The following GNB1 variants were observed in gnomAD, a reference collection of about 807,000 sequenced individuals.
GNB1 encodes G protein subunit beta 1.
GNB1 carries 2 observed loss-of-function variants against 42.9 expected under a neutral mutation model. The observed-to-expected ratio is 0.05, with a 90% confidence interval of 0.02 to 0.15. GNB1 has a LOEUF of 0.15. GNB1 is among the 10% of genes least tolerant of loss of function. GNB1 has a pLI of 1.00. For missense variants in GNB1, 193 were observed against 462.2 expected, an observed-to-expected ratio of 0.42 and a Z score of 5.34; for synonymous variants, 183 against 174.7, an observed-to-expected ratio of 1.05 and a Z score of -0.38.
chr1:1,796,710 C>T (rs1251449334), intron 7 of GNB1, among the ~76,000 whole-genome samples: 1 of 152,112 alleles, frequency 6.6e-6, no homozygotes, highest in Non-Finnish European at 1.5e-5. Context: ...AAGTGTGCAC[C>T]CAGTGAGGAG....
At chr1:1,808,936 G>A (rs960131325) in intron 5 of GNB1, among the ~76,000 whole-genome samples, 4 of 152,074 alleles carry the variant, frequency 2.6e-5, no homozygotes, top group South Asian at 4.1e-4. Context: ...AAGCCACAGC[G>A]CCTCAAAACA....
chr1:1,788,155 G>GTA (rs1428105678), intron 10 of GNB1: 1 of 152,270 alleles, frequency 6.6e-6, no homozygotes, highest in Non-Finnish European at 1.5e-5. Context: ...ACAGAACACA[G>GTA]GAGTAGCGAT....
intron 1 of GNB1, among the ~76,000 whole-genome samples, chr1:1,870,610 G>A (rs770824966): frequency 1.4e-4 from 21 of 152,272 alleles, no homozygotes; most frequent in Middle Eastern, 3.4e-3. Context: ...GCATGTTAGC[G>A]TTGCTGGAAT....
chr1:1,789,019 C>T, intron 10 of GNB1, 34 bp downstream of exon 10: 1 of 1,448,354 alleles, frequency 6.9e-7, no homozygotes, highest in Non-Finnish European at 9.7e-7. Context: ...ACGTAAATGT[C>T]CACAAGACAC....
At chr1:1,804,749 C>T (rs1646673570) in intron 6 of GNB1, among the ~76,000 whole-genome samples, 168 bp from the exon 7 acceptor site, 1 of 152,202 alleles carries the variant, frequency 6.6e-6, no homozygotes, top group Non-Finnish European at 1.5e-5. Context: ...GTGAAGCATA[C>T]TTAATGAGAA....
chr1:1,855,833 AGAG>A (rs1346747527), intron 1 of GNB1, among the ~76,000 whole-genome samples: 1 of 152,248 alleles, frequency 6.6e-6, no homozygotes, highest in African/African-American at 2.4e-5. Context: ...GCTATTTCAA[AGAG>A]GAGGAGGCAA....
At chr1:1,866,751 G>A (rs753549208) in intron 1 of GNB1, among the ~76,000 whole-genome samples, 2 of 150,640 alleles carry the variant, frequency 1.3e-5, no homozygotes, top group Admixed American at 6.6e-5. Context: ...TCAGGAGATC[G>A]AGACCATCTT....
intron 3 of GNB1, 174 bp downstream of exon 3, chr1:1,825,223 A>G: frequency 1.7e-6 from 1 of 595,370 alleles, no homozygotes. Context: ...AATCCCAAAA[A>G]CAATGTACTA....
chr1:1,883,637 C>T (rs1649980373), intron 1 of GNB1, among the ~76,000 whole-genome samples: 1 of 152,202 alleles, frequency 6.6e-6, no homozygotes, highest in Non-Finnish European at 1.5e-5. Flanking sequence ...GCCTGTTTCA[C>T]AGATAAGGAC....
chr1:1,852,461 A>T (rs925282552), intron 1 of GNB1, among the ~76,000 whole-genome samples: 10 of 151,714 alleles, frequency 6.6e-5, no homozygotes, highest in Non-Finnish European at 1.5e-5. Context: ...CGATCTCCTG[A>T]CCTCGCGACC....
At position 1,840,971 on chromosome 1, in the gene GNB1, A is replaced by G. The variant is rs114416938; in HGVS notation, c.-95-1733T>C. Among the ~76,000 whole-genome samples, 1,263 of 152,294 alleles carry G rather than the reference A, an allele frequency of 8.3e-3. 22 individuals carry two copies. Among genetic ancestry groups the G allele is most frequent in the African/African-American group, 0.029 (1,213 of 41,550 alleles). ...CAGTGGTATCATCTCAGTTCACTGG[A>G]ACCTCCGACTCACTGGTTCGAGTGA... On this transcript the variant is annotated intron_variant, in intron 1 of 11. Transcript: ENST00000378609.
At chr1:1,822,102 A>C (rs1264499977) in intron 3 of GNB1, among the ~76,000 whole-genome samples, 1 of 151,988 alleles carries the variant, frequency 6.6e-6, no homozygotes, top group Non-Finnish European at 1.5e-5. Flanking sequence ...GTCTCAAAAC[A>C]CACAAACAAA....
At chr1:1,799,211 C>T (rs557762222) in intron 7 of GNB1, among the ~76,000 whole-genome samples, 3 of 152,272 alleles carry the variant, frequency 2.0e-5, no homozygotes, top group South Asian at 2.1e-4. Flanking sequence ...TGAGCCACCG[C>T]GCCCAGCCCA....
intron 7 of GNB1, among the ~76,000 whole-genome samples, chr1:1,798,979 G>A (rs1422302606): frequency 6.6e-6 from 1 of 151,520 alleles, no homozygotes; most frequent in Non-Finnish European, 1.5e-5. Context: ...GAGTGCGGTG[G>A]CGCGATCTCG....
At chr1:1,878,884 A>C (rs1349236558) in intron 1 of GNB1, among the ~76,000 whole-genome samples, 1 of 152,172 alleles carries the variant, frequency 6.6e-6, no homozygotes, top group African/African-American at 2.4e-5. Context: ...GGCCCTCAGC[A>C]ATCTCTACCA....
intron 3 of GNB1, among the ~76,000 whole-genome samples, chr1:1,818,998 T>C (rs1162704242): frequency 2.6e-5 from 4 of 152,214 alleles, no homozygotes; most frequent in Non-Finnish European, 5.9e-5. Context: ...TCGTTGCTCA[T>C]CTACAAATGA....
At chr1:1,888,444 G>A (rs553507346) in intron 1 of GNB1, among the ~76,000 whole-genome samples, 1 of 151,362 alleles carries the variant, frequency 6.6e-6, no homozygotes, top group Non-Finnish European at 1.5e-5. Flanking sequence ...TGGGACCACC[G>A]CCCAACACCT....
At chr1:1,823,405 A>G (rs1053808513) in intron 3 of GNB1, among the ~76,000 whole-genome samples, 22 of 152,256 alleles carry the variant, frequency 1.4e-4, no homozygotes, top group East Asian at 7.7e-4. Context: ...GCCAAAAACC[A>G]TGCTGACTTA....
At chr1:1,843,943 C>T (rs1318806592) in intron 1 of GNB1, among the ~76,000 whole-genome samples, 2 of 152,054 alleles carry the variant, frequency 1.3e-5, no homozygotes, top group Non-Finnish European at 2.9e-5. Flanking sequence ...TTCCTGTAAT[C>T]CGAGCACTTT....
Sources: gnomAD v4.1 joint callset for allele counts (sites outside exome capture counted in the v4.1 genomes callset) on GRCh38, gnomAD v4.1.1 for gene constraint, MANE v1.5 for transcripts, NCBI Gene and HGNC (gene_info 2026-07-23, HGNC 2026-07-21) for gene names.